The following HERC4 variants were observed in gnomAD, a reference collection of about 807,000 sequenced individuals.
HERC4 encodes probable E3 ubiquitin-protein ligase HERC4.
A neutral mutation model predicts 124.3 loss-of-function variants in HERC4; 28 were observed. The observed-to-expected ratio is 0.23, with a 90% CI of 0.17 to 0.31. HERC4 has a LOEUF of 0.31. Ranked by LOEUF, HERC4 falls within the 10% of genes least tolerant of loss-of-function variation. The probability of loss-of-function intolerance (pLI) is 1.00; values close to 1 mark genes in which losing one functional copy is unlikely to be tolerated. For synonymous variants in HERC4, 407 were observed against 421.5 expected (o/e 0.97, Z 0.42); for missense variants, 713 against 1,229.3 (o/e 0.58, Z 6.28).
intron 9 of HERC4, among the ~76,000 whole-genome samples, chr10:67,995,828 T>C (rs2036840694): frequency 2.0e-5 from 3 of 152,230 alleles, no homozygotes; most frequent in African/African-American, 7.2e-5. Flanking sequence ...TAGTTTATCT[T>C]AGTGCATATT....
intron 15 of HERC4, among the ~76,000 whole-genome samples, chr10:67,972,274 C>G (rs2035286177): frequency 6.8e-6 from 1 of 147,424 alleles, no homozygotes; most frequent in African/African-American, 2.5e-5. Flanking sequence ...GTAATCCCAG[C>G]ACTTTGGGAG....
intron 13 of HERC4, 72 bp downstream of exon 13, chr10:67,990,832 C>T (rs2036512272): frequency 1.2e-6 from 1 of 869,050 alleles, no homozygotes; most frequent in Non-Finnish European, 1.8e-6. Context: ...GTAAATTAGG[C>T]TATAAACGTA....
chr10:68,064,560 C>CAAA (rs538756559), intron 3 of HERC4, among the ~76,000 whole-genome samples: 19 of 71,376 alleles, frequency 2.7e-4, no homozygotes, highest in Admixed American at 3.1e-4. Context: ...GATTCTCTCT[C>CAAA]AAAAAAAAAA....
intron 13 of HERC4, 120 bp downstream of exon 13, chr10:67,990,784 T>G: frequency 1.8e-6 from 1 of 554,774 alleles, no homozygotes; most frequent in Non-Finnish European, 3.1e-6. Context: ...TAAAATCTTA[T>G]TTTAAAAGCA....
In HERC4 at chr10:68,044,531, C is replaced by T; in HGVS notation, c.259G>A (p.Val87Ile). 2 of 1,613,952 alleles carry T rather than the reference C, an allele frequency of 1.2e-6. No homozygotes were observed. The highest frequency in any genetic ancestry group is 1.7e-6 in the Non-Finnish European group (2 of 1,179,972). The change falls in exon 4 of 25, where the codon GTA becomes ATA. Residue 87 changes from valine (V) to isoleucine (I), a missense_variant. Val to Ile is a conservative substitution (Grantham distance 29, BLOSUM62 3). Transcript: ENST00000373700. ...QVVALDAQNI[V>I]AVSCGEAHTL... ...TGAGCTTCTCCACATGAAACAGCTA[C>T]AATATTTTGGGCATCCAGGGCAACA...
At chr10:67,949,667 C>G (rs2033652989) in intron 19 of HERC4, among the ~76,000 whole-genome samples, 1 of 152,146 alleles carries the variant, frequency 6.6e-6, no homozygotes. Context: ...ATAAGAAAAT[C>G]AACCAGCATA....
chr10:67,935,280 G>C (rs896384675), intron 22 of HERC4, among the ~76,000 whole-genome samples: 2 of 151,984 alleles, frequency 1.3e-5, no homozygotes, highest in Non-Finnish European at 2.9e-5. Context: ...CGAGTAGCTG[G>C]AACTACAGGC....
At chr10:67,963,547 T>TA (rs759416860) in intron 16 of HERC4, among the ~76,000 whole-genome samples, 24 of 152,184 alleles carry the variant, frequency 1.6e-4, no homozygotes, top group Non-Finnish European at 3.1e-4. Flanking sequence ...GCTGTGGTCT[T>TA]AGAGTTCTTT....
intron 22 of HERC4, among the ~76,000 whole-genome samples, chr10:67,933,001 A>G (rs1411339765): frequency 6.6e-6 from 1 of 152,240 alleles, no homozygotes; most frequent in Non-Finnish European, 1.5e-5. Context: ...GCATTCAGTT[A>G]TTCTTAGGCT....
At chr10:68,074,122 A>G (rs1285010802) in intron 1 of HERC4, 1 of 152,216 alleles carries the variant, frequency 6.6e-6, no homozygotes, top group Non-Finnish European at 1.5e-5. Context: ...AAATCTGTAG[A>G]ACTTTCCAGC....
At chr10:67,958,065 C>T (rs748774173) in intron 16 of HERC4, among the ~76,000 whole-genome samples, 13 of 152,156 alleles carry the variant, frequency 8.5e-5, no homozygotes, top group Non-Finnish European at 1.6e-4. Flanking sequence ...CCTCGGCCTC[C>T]CAAAGTGCTG....
At chr10:68,060,582 A>G (rs1050688752) in intron 3 of HERC4, among the ~76,000 whole-genome samples, 4 of 152,252 alleles carry the variant, frequency 2.6e-5, no homozygotes, top group African/African-American at 9.6e-5. Flanking sequence ...ATTTCTCTCC[A>G]ATTATATGGT....
chr10:68,008,254 G>A (rs1383952098), intron 9 of HERC4, among the ~76,000 whole-genome samples: 1 of 152,190 alleles, frequency 6.6e-6, no homozygotes, highest in Non-Finnish European at 1.5e-5. Context: ...GATCACACCT[G>A]ACAGTACTGG....
intron 21 of HERC4, among the ~76,000 whole-genome samples, chr10:67,937,602 A>G (rs1269697086): frequency 6.6e-6 from 1 of 152,022 alleles, no homozygotes; most frequent in South Asian, 2.1e-4. Context: ...GTTTTTTTTA[A>G]TTTTATGGTC....
At chr10:67,923,621 C>T (rs2030505373) in intron 24 of HERC4, among the ~76,000 whole-genome samples, 1 of 151,610 alleles carries the variant, frequency 6.6e-6, no homozygotes, top group Admixed American at 6.6e-5. Context: ...GTGCAGTGTG[C>T]GGTCACAGTC....
chr10:67,991,498 A>G (rs1408354798), intron 11 of HERC4, among the ~76,000 whole-genome samples: 1 of 152,190 alleles, frequency 6.6e-6, no homozygotes, highest in Non-Finnish European at 1.5e-5. Context: ...TCATGTAAAA[A>G]GTTTTTTAAT....
intron 21 of HERC4, among the ~76,000 whole-genome samples, chr10:67,938,717 G>A (rs926982206): frequency 1.3e-4 from 20 of 152,002 alleles, no homozygotes; most frequent in Non-Finnish European, 1.9e-4. Context: ...AGGCCGAGGC[G>A]GGTGGATCAT....
intron 8 of HERC4, 151 bp downstream of exon 8, chr10:68,025,395 C>A: frequency 1.4e-6 from 1 of 702,308 alleles, no homozygotes; most frequent in Non-Finnish European, 2.3e-6. Context: ...AAAGATGTTT[C>A]TCCTGTTACT....
intron 22 of HERC4, among the ~76,000 whole-genome samples, chr10:67,933,163 C>CA (rs2132048243): frequency 6.6e-6 from 1 of 152,106 alleles, no homozygotes; most frequent in South Asian, 2.1e-4. Context: ...CAATAGGTGA[C>CA]AAAAAAATGA....
Sources: gnomAD v4.1 joint callset for allele counts (sites outside exome capture counted in the v4.1 genomes callset) on GRCh38, gnomAD v4.1.1 for gene constraint, MANE v1.5 for transcripts, NCBI Gene and HGNC (gene_info 2026-07-23, HGNC 2026-07-21) for gene names.